ELMO1: variants seen among roughly 807,000 people sequenced by gnomAD.
The protein encoded by ELMO1 is engulfment and cell motility protein 1.
ELMO1 carries 26 observed loss-of-function variants against 98.9 expected under a neutral mutation model. That is an observed-to-expected ratio of 0.26 (90% confidence interval 0.19 to 0.36). The LOEUF (loss-of-function observed/expected upper bound fraction) is 0.36, where lower values mean the gene tolerates loss of function less well. Ranked by LOEUF, ELMO1 falls within the 10% of genes least tolerant of loss-of-function variation. ELMO1 has a pLI of 1.00. For synonymous variants in ELMO1, 346 were observed against 346.0 expected, an observed-to-expected ratio of 1.00 and a Z score of 0.00; for missense variants, 627 against 935.2, an observed-to-expected ratio of 0.67 and a Z score of 4.30.
At chr7:37,149,775 G>C (rs1183966744) in intron 13 of ELMO1, among the ~76,000 whole-genome samples, 1 of 152,110 alleles carries the variant, frequency 6.6e-6, no homozygotes, top group Non-Finnish European at 1.5e-5. Context: ...ATCAGTCCTT[G>C]TACAAAGTTA....
intron 16 of ELMO1, among the ~76,000 whole-genome samples, chr7:36,901,169 A>G (rs955078522): frequency 6.6e-6 from 1 of 152,214 alleles, no homozygotes; most frequent in African/African-American, 2.4e-5. Flanking sequence ...CCGGAAACTC[A>G]AAATAGTTTC....
At chr7:37,155,359 A>C (rs1788663515) in intron 13 of ELMO1, among the ~76,000 whole-genome samples, 1 of 152,178 alleles carries the variant, frequency 6.6e-6, no homozygotes, top group African/African-American at 2.4e-5. Flanking sequence ...TAAAAGACAC[A>C]GACTGGCAAA....
chr7:37,166,547 T>TCA (rs1789705335), intron 13 of ELMO1, among the ~76,000 whole-genome samples: 6 of 152,048 alleles, frequency 3.9e-5, no homozygotes, highest in African/African-American at 1.4e-4. Flanking sequence ...GTCTTTGTTC[T>TCA]GGTTGGTTTC....
At chr7:37,028,526 C>T (rs1314513259) in intron 15 of ELMO1, among the ~76,000 whole-genome samples, 1 of 152,176 alleles carries the variant, frequency 6.6e-6, no homozygotes, top group East Asian at 1.9e-4. Flanking sequence ...GTAGACAATT[C>T]ACAGACTTTT....
At chr7:37,349,508 C>T (rs1443697019) in intron 1 of ELMO1, among the ~76,000 whole-genome samples, 5 of 152,040 alleles carry the variant, frequency 3.3e-5, no homozygotes, top group Admixed American at 6.5e-5. Context: ...GGCTGGAGTG[C>T]AGTGGCACAA....
chr7:37,346,668 C>T (rs6462758), intron 1 of ELMO1, among the ~76,000 whole-genome samples: 73,593 of 152,120 alleles, frequency 0.48, 18,128 homozygotes, highest in Non-Finnish European at 0.52. Flanking sequence ...AATGTGCAAA[C>T]AGATTGTGTG....
rs999482452 is a variant in ELMO1, at chr7:37,331,404, G to A, written c.78+11209C>T. Among the ~76,000 whole-genome samples, 30 of 131,774 alleles carry A rather than the reference G, an allele frequency of 2.3e-4. 1 individual carries two copies. Among genetic ancestry groups the A allele is most frequent in the African/African-American group, 7.7e-4 (28 of 36,154 alleles). The allele number at this position is 131,774 out of a possible 152,430, so 86.4% of individuals were successfully genotyped here. ...TCACTGTGTTAGCCAGGATGGTCTC[G>A]ATCTCCTGACCTCATGATCCGCCCG... On this transcript the variant is annotated intron_variant, in intron 2 of 21. Coordinates refer to ENST00000310758, the MANE Select transcript of ELMO1 (RefSeq NM_014800.11).
intron 4 of ELMO1, among the ~76,000 whole-genome samples, chr7:37,311,040 G>C (rs1324879959): frequency 1.3e-5 from 2 of 151,622 alleles, no homozygotes; most frequent in African/African-American, 2.4e-5. Flanking sequence ...CCCTGAAATA[G>C]TTAAGTTTCT....
At chr7:37,157,744 G>A (rs1289252643) in intron 13 of ELMO1, among the ~76,000 whole-genome samples, 5 of 152,164 alleles carry the variant, frequency 3.3e-5, no homozygotes, top group South Asian at 4.2e-4. Context: ...GTAATTTATA[G>A]ATTCAATGCC....
chr7:37,103,061 T>A (rs1784724744), intron 14 of ELMO1, among the ~76,000 whole-genome samples: 1 of 152,140 alleles, frequency 6.6e-6, no homozygotes, highest in Non-Finnish European at 1.5e-5. Flanking sequence ...CCATAAAGGG[T>A]CGTAAAGATT....
At chr7:36,908,986 G>T (rs1784159335) in intron 16 of ELMO1, among the ~76,000 whole-genome samples, 1 of 151,874 alleles carries the variant, frequency 6.6e-6, no homozygotes, top group South Asian at 2.1e-4. Flanking sequence ...TTTTTCAGTT[G>T]CAGAAAACAA....
intron 16 of ELMO1, among the ~76,000 whole-genome samples, chr7:36,918,174 G>A (rs1048074091): frequency 2.6e-5 from 4 of 152,054 alleles, no homozygotes; most frequent in South Asian, 2.1e-4. Context: ...TGGCCTTAGG[G>A]TGACAATAAG....
At chr7:37,332,081 A>G (rs1800157964) in intron 2 of ELMO1, among the ~76,000 whole-genome samples, 1 of 152,216 alleles carries the variant, frequency 6.6e-6, no homozygotes, top group Non-Finnish European at 1.5e-5. Flanking sequence ...ACAGATCGCC[A>G]CGAGTTTGTC....
At chr7:37,150,089 T>G (rs1415648736) in intron 13 of ELMO1, among the ~76,000 whole-genome samples, 1 of 152,104 alleles carries the variant, frequency 6.6e-6, no homozygotes, top group African/African-American at 2.4e-5. Context: ...CTTCTCCTCT[T>G]TTTTTTAAAG....
chr7:36,872,188 C>T (rs1019732781), intron 19 of ELMO1, among the ~76,000 whole-genome samples: 9 of 152,164 alleles, frequency 5.9e-5, no homozygotes, highest in Non-Finnish European at 8.8e-5. Context: ...TCCCCTGCTG[C>T]AGAAACTGAA....
At chr7:36,889,126 G>T (rs1805315879) in intron 17 of ELMO1, among the ~76,000 whole-genome samples, 1 of 152,138 alleles carries the variant, frequency 6.6e-6, no homozygotes, top group Non-Finnish European at 1.5e-5. Flanking sequence ...AAAAGGATAA[G>T]GCCATCTAAC....
chr7:36,975,424 A>T (rs1374978665), intron 16 of ELMO1, among the ~76,000 whole-genome samples: 1 of 152,066 alleles, frequency 6.6e-6, no homozygotes, highest in Non-Finnish European at 1.5e-5. Flanking sequence ...GTGAGCTGAG[A>T]TCGCACCACT....
chr7:36,877,649 G>A (rs889006752), intron 19 of ELMO1, among the ~76,000 whole-genome samples: 8 of 152,158 alleles, frequency 5.3e-5, no homozygotes, highest in African/African-American at 1.7e-4. Flanking sequence ...TATAAGTTAC[G>A]AAAATAAGAA....
At chr7:36,971,001 A>G (rs1259643830) in intron 16 of ELMO1, among the ~76,000 whole-genome samples, 7 of 152,224 alleles carry the variant, frequency 4.6e-5, no homozygotes, top group Admixed American at 4.6e-4. Context: ...TGCCATTGCC[A>G]AGGAGATGGG....
Sources: allele counts gnomAD v4.1 joint callset (sites outside exome capture counted in the v4.1 genomes callset), GRCh38; gene constraint gnomAD v4.1.1; transcripts MANE v1.5; gene names NCBI Gene and HGNC (gene_info 2026-07-23, HGNC 2026-07-21).